Variants in RGPD2 observed in about 807,000 individuals in gnomAD.
RGPD2 encodes the protein RANBP2-like and GRIP domain-containing protein 2.
Under a neutral mutation model 36.0 loss-of-function variants are expected in RGPD2, and 2 were observed. The ratio of observed to expected loss-of-function variants is 0.06; its 90% CI spans 0.02 to 0.17. The LOEUF (loss-of-function observed/expected upper bound fraction) is 0.17, where lower values mean the gene tolerates loss of function less well. Ranked by LOEUF, RGPD2 falls within the 10% of genes least tolerant of loss-of-function variation. RGPD2 has a pLI of 1.00. For missense variants in RGPD2, 40 were observed against 464.3 expected, an observed-to-expected ratio of 0.09 and a Z score of 8.40; for synonymous variants, 19 against 163.8, an observed-to-expected ratio of 0.12 and a Z score of 6.75.
At chr2:87,950,743 C>CCT in the RGPD2 span, among the ~76,000 whole-genome samples, 1 of 149,602 alleles carries the variant, frequency 6.7e-6, no homozygotes, top group Non-Finnish European at 1.5e-5. Flanking sequence ...TCACAATCAA[C>CCT]TCTCTTCCTT....
chr2:87,985,050 AG>A, the RGPD2 span, among the ~76,000 whole-genome samples: 1 of 144,330 alleles, frequency 6.9e-6, no homozygotes, highest in Non-Finnish European at 1.5e-5. Flanking sequence ...AGAGTGACCC[AG>A]GCAAAGTTGT....
At chr2:87,886,967 C>T in the RGPD2 span, among the ~76,000 whole-genome samples, 1 of 151,350 alleles carries the variant, frequency 6.6e-6, no homozygotes, top group South Asian at 2.1e-4. Context: ...GACCCGAGAG[C>T]TTGTGCTTAG....
chr2:87,961,720 T>G, the RGPD2 span, among the ~76,000 whole-genome samples: 6 of 128,790 alleles, frequency 4.7e-5, no homozygotes, highest in Admixed American at 8.2e-5. Context: ...AAAAAGCGCA[T>G]TCTCAAATCC....
At chr2:87,905,749 T>C in the RGPD2 span, among the ~76,000 whole-genome samples, 2 of 127,152 alleles carry the variant, frequency 1.6e-5, no homozygotes, top group African/African-American at 5.6e-5. Context: ...TATATATATA[T>C]AAACATAATG....
the RGPD2 span, among the ~76,000 whole-genome samples, chr2:87,892,442 T>C: frequency 6.6e-6 from 1 of 151,416 alleles, no homozygotes. Flanking sequence ...AGAGGTATCA[T>C]CATTAGGACA....
the RGPD2 span, among the ~76,000 whole-genome samples, chr2:87,981,525 CT>C: frequency 2.6e-5 from 1 of 38,576 alleles, no homozygotes; most frequent in African/African-American, 8.0e-5. Flanking sequence ...GCCTGTTTAT[CT>C]GCTAAGCCCT....
At chr2:87,983,153 C>T in the RGPD2 span, among the ~76,000 whole-genome samples, 3 of 151,438 alleles carry the variant, frequency 2.0e-5, no homozygotes, top group East Asian at 5.9e-4. Flanking sequence ...AACCCCGTCT[C>T]TACTAAAAAT....
the RGPD2 span, among the ~76,000 whole-genome samples, chr2:87,870,144 A>G: frequency 6.6e-6 from 1 of 152,278 alleles, no homozygotes; most frequent in Non-Finnish European, 1.5e-5. Context: ...TGTATTAATC[A>G]TTTTTTTAAA....
chr2:87,762,440 C>T (rs1215403091), intron 22 of RGPD2, among the ~76,000 whole-genome samples: 2 of 132,196 alleles, frequency 1.5e-5, no homozygotes, highest in Non-Finnish European at 3.1e-5. Flanking sequence ...ACTTGGGAGG[C>T]TGAGGCAGGA....
At chr2:87,866,695 A>G in the RGPD2 span, among the ~76,000 whole-genome samples, 3 of 152,144 alleles carry the variant, frequency 2.0e-5, 1 homozygote, top group South Asian at 6.2e-4. Flanking sequence ...TCCACGGCAC[A>G]CACCTGTGTC....
chr2:87,878,108 C>A, the RGPD2 span, among the ~76,000 whole-genome samples: 1 of 152,204 alleles, frequency 6.6e-6, no homozygotes, highest in Non-Finnish European at 1.5e-5. Context: ...TGGATTATAT[C>A]CTGAAGTGTG....
the RGPD2 span, among the ~76,000 whole-genome samples, chr2:87,988,541 A>ATATATATATATATATATATATATATAT: frequency 2.4e-4 from 13 of 54,144 alleles, no homozygotes; most frequent in Non-Finnish European, 4.2e-4. Context: ...ATATATATAT[A>ATATATATATATATATATATATATATAT]TTTTTTTTTT....
the RGPD2 span, among the ~76,000 whole-genome samples, chr2:87,919,177 C>T: frequency 2.0e-5 from 3 of 152,012 alleles, no homozygotes; most frequent in Admixed American, 1.3e-4. Flanking sequence ...TAAGCACTGC[C>T]GAGGAGTGGG....
At chr2:87,988,534 T>TAA in the RGPD2 span, among the ~76,000 whole-genome samples, 3 of 25,982 alleles carry the variant, frequency 1.2e-4, no homozygotes, top group African/African-American at 2.1e-4. Context: ...AATATATATA[T>TAA]ATATATATTT....
At chr2:87,903,404 AAC>A in the RGPD2 span, among the ~76,000 whole-genome samples, 1 of 152,248 alleles carries the variant, frequency 6.6e-6, no homozygotes, top group African/African-American at 2.4e-5. Flanking sequence ...AAATTAGATT[AAC>A]AGTTTCTTAC....
chr2:87,856,748 T>G, the RGPD2 span, among the ~76,000 whole-genome samples: 9 of 152,218 alleles, frequency 5.9e-5, no homozygotes, highest in Non-Finnish European at 1.3e-4. Context: ...TGAATAATGC[T>G]GAATAAATAC....
the RGPD2 span, among the ~76,000 whole-genome samples, chr2:87,866,365 AAGTC>A: frequency 6.6e-6 from 1 of 152,164 alleles, no homozygotes; most frequent in Non-Finnish European, 1.5e-5. Flanking sequence ...AAATCATTTG[AAGTC>A]AGTAACAAAT....
the RGPD2 span, among the ~76,000 whole-genome samples, chr2:87,849,926 G>T: frequency 6.6e-6 from 1 of 151,588 alleles, no homozygotes; most frequent in African/African-American, 2.4e-5. Flanking sequence ...TCCTGGAATC[G>T]ACAAACTAGC....
chr2:87,876,686 G>A, the RGPD2 span, among the ~76,000 whole-genome samples: 32 of 152,380 alleles, frequency 2.1e-4, no homozygotes, highest in Non-Finnish European at 3.8e-4. Context: ...ATTATATTTT[G>A]TTGTTTTTGG....
Sources: allele counts gnomAD v4.1 joint callset (sites outside exome capture counted in the v4.1 genomes callset), GRCh38; gene constraint gnomAD v4.1.1; transcripts MANE v1.5; gene names NCBI Gene and HGNC (gene_info 2026-07-23, HGNC 2026-07-21).